The following PNPLA7 variants were observed in gnomAD, a reference collection of about 807,000 sequenced individuals.
PNPLA7 encodes the protein patatin like domain 7, lysophospholipase, also known as patatin-like phospholipase domain-containing protein 7.
A neutral mutation model predicts 161.7 loss-of-function variants in PNPLA7; 153 were observed. The ratio of observed to expected loss-of-function variants is 0.95; its 90% CI spans 0.83 to 1.08. The LOEUF is 1.08. PNPLA7 is among the 50% of genes least tolerant of loss of function. The pLI, the probability that PNPLA7 is intolerant of heterozygous loss-of-function variation, is 0.00. For synonymous variants in PNPLA7, 809 were observed against 782.1 expected (o/e 1.03, Z -0.57); for missense variants, 1,739 against 1,856.6 (o/e 0.94, Z 1.16).
chr9:137,536,911 G>A (rs1383300955), intron 8 of PNPLA7, among the ~76,000 whole-genome samples: 4 of 138,336 alleles, frequency 2.9e-5, no homozygotes, highest in African/African-American at 1.1e-4. Flanking sequence ...CATCTCCCAC[G>A]ACAGGAAGCA....
At position 137,464,750 on chromosome 9, in the gene PNPLA7, C is replaced by G. The variant is rs114582880; in HGVS notation, c.3040-294G>C. On this transcript the variant is annotated intron_variant, in intron 26 of 34. Transcript: ENST00000406427. ...TCTGCAGCGCCCCCATGCCTGGGGC[C>G]TCCTCGGCTTTGCCTGCTCAGCTCT... 8.8e-3 allele frequency: 3,723 copies of G among 421,360 alleles called. 123 individuals are homozygous for G. Among genetic ancestry groups the G allele is most frequent in the African/African-American group, 0.065 (3,208 of 49,602 alleles). 26.1% of individuals were successfully genotyped at this position (421,360 alleles called of 1,614,324 possible).
chr9:137,475,462 T>TC (rs1831905484), intron 25 of PNPLA7, among the ~76,000 whole-genome samples: 1 of 152,098 alleles, frequency 6.6e-6, no homozygotes, highest in Non-Finnish European at 1.5e-5. Context: ...GTAAGCTCCA[T>TC]CCCCCCGGTT....
In PNPLA7 at chr9:137,504,096, GAAGAAGAAGAAAGA is replaced by G. The variant is rs1314685466; in HGVS notation, c.1473+1504_1473+1517del. Among the ~76,000 whole-genome samples, 160 of 141,924 alleles carry G rather than the reference GAAGAAGAAGAAAGA, an allele frequency of 1.1e-3. 1 individual carries two copies. The highest frequency in any genetic ancestry group is 4.2e-3 in the African/African-American group (157 of 37,702). The allele number at this position is 141,924 out of a possible 152,430, so 93.1% of individuals were successfully genotyped here. ...AGGAAGAAGAAGAAGGAAGAAGAAGGAAGAAGAAGAAAGAAAGAAGAAGAAGAAAAAAGGAAGAA... is the reference window on the plus strand; with the variant it reads ...AGGAAGAAGAAGAAGGAAGAAGAAGGAAGAAGAAGAAGAAAAAAGGAAGAA... On this transcript the variant is annotated intron_variant, in intron 14 of 34. Transcript: ENST00000406427.
intron 26 of PNPLA7, among the ~76,000 whole-genome samples, chr9:137,466,992 C>T (rs535887401): frequency 1.3e-5 from 2 of 148,880 alleles, no homozygotes; most frequent in African/African-American, 2.5e-5. Flanking sequence ...TCTCCACCAT[C>T]TCAGACCCGT....
chr9:137,539,600 C>T (rs1035090058), intron 8 of PNPLA7, among the ~76,000 whole-genome samples: 2 of 151,804 alleles, frequency 1.3e-5, no homozygotes, highest in South Asian at 2.1e-4. Context: ...GCCCAGGAGG[C>T]GGAGGTTGCA....
At chr9:137,531,548 C>T (rs1051775490) in intron 8 of PNPLA7, among the ~76,000 whole-genome samples, 1 of 152,130 alleles carries the variant, frequency 6.6e-6, no homozygotes, top group African/African-American at 2.4e-5. Context: ...CTCGGCAGTG[C>T]TGTATGTAGC....
chr9:137,517,984 T>A (rs1421267808), intron 11 of PNPLA7, among the ~76,000 whole-genome samples: 1 of 95,932 alleles, frequency 1.0e-5, no homozygotes, highest in Non-Finnish European at 2.0e-5. Flanking sequence ...CATCCCCCAC[T>A]CACTCACTCC....
chr9:137,491,955 C>T (rs971507982), intron 20 of PNPLA7: 24 of 985,326 alleles, frequency 2.4e-5, no homozygotes, highest in African/African-American at 3.5e-5. Context: ...ATGCAGGACA[C>T]GCGGGAGCAG....
intron 14 of PNPLA7, among the ~76,000 whole-genome samples, chr9:137,502,700 ACGCGGGGGACGCGGGGGACGC>A (rs1833523037): frequency 1.9e-5 from 1 of 53,162 alleles, no homozygotes; most frequent in African/African-American, 7.5e-5. Context: ...GACGGGGGGG[ACGCGGGGGACGCGGGGGACGC>A]GGGGGACGGG....
rs550611022 is a variant in PNPLA7 at position 137,504,016 on chromosome 9, G to A, written c.1473+1598C>T. Among the ~76,000 whole-genome samples the A allele has an allele frequency of 2.1e-4, 22 of 102,630 alleles. 1 individual carries two copies. The highest frequency in any genetic ancestry group is 3.8e-4 in the Admixed American group (4 of 10,538). The allele number at this position is 102,630 out of a possible 152,430, so 67.3% of individuals were successfully genotyped here. On this transcript the variant is annotated intron_variant, in intron 14 of 34. Coordinates refer to ENST00000406427, the MANE Select transcript of PNPLA7 (RefSeq NM_001098537.3). Reference sequence around the variant, plus strand: ...AGCAAGAAGAAGAAAGAAGAAGGAAGAAGAAGAAGGAGGAGGAAGGAAGAA... The same window carrying A: ...AGCAAGAAGAAGAAAGAAGAAGGAAAAAGAAGAAGGAGGAGGAAGGAAGAA...
rs72765158 is a variant in PNPLA7, at chr9:137,476,189, G to A, written c.2882+1845C>T. 7.4e-3 allele frequency among the ~76,000 whole-genome samples: 1,123 copies of A among 152,322 alleles called. 6 individuals carry two copies. The highest frequency in any genetic ancestry group is 0.017 in the Admixed American group (259 of 15,298). On this transcript the variant is annotated intron_variant, in intron 25 of 34. Transcript: ENST00000406427. This position sits in a 1 kb window ranked among gnomAD's most constrained non-coding sequence, Gnocchi z 4.5. ...GTAAACAGAGATGAGTGGTATGTCC[G>A]AACATACCGAGAGGAGGTTAATGCC...
intron 23 of PNPLA7, chr9:137,479,662 CAG>C: frequency 2.0e-6 from 2 of 985,398 alleles, no homozygotes; most frequent in Non-Finnish European, 2.4e-6. Flanking sequence ...GAGCAGGGAG[CAG>C]AGGAGGGAGA....
chr9:137,507,542 G>A (rs564263368), intron 12 of PNPLA7, among the ~76,000 whole-genome samples: 4 of 152,182 alleles, frequency 2.6e-5, no homozygotes, highest in Non-Finnish European at 5.9e-5. Flanking sequence ...GGTGGCACAT[G>A]CCTGTTACCC....
At chr9:137,545,651 A>C (rs1382361249) in intron 4 of PNPLA7, among the ~76,000 whole-genome samples, 3 of 152,246 alleles carry the variant, frequency 2.0e-5, no homozygotes, top group Non-Finnish European at 4.4e-5. Context: ...GCTTGTAGCA[A>C]TTACTCTTTA....
chr9:137,534,328 C>G (rs1344260860), intron 8 of PNPLA7, among the ~76,000 whole-genome samples: 1 of 152,004 alleles, frequency 6.6e-6, no homozygotes, highest in Non-Finnish European at 1.5e-5. Flanking sequence ...AGTGTCTACT[C>G]CAGGCGGGAG....
At chr9:137,471,713 G>T (rs1005867082) in intron 25 of PNPLA7, among the ~76,000 whole-genome samples, 2 of 151,894 alleles carry the variant, frequency 1.3e-5, no homozygotes, top group East Asian at 3.8e-4. Flanking sequence ...GCAAATCATG[G>T]CTGATCATAA....
rs199649441 is a variant in PNPLA7, at chr9:137,503,822, GAAGAAGA to G, written c.1473+1785_1473+1791del. Among the ~76,000 whole-genome samples, 7 of 9,054 alleles carry G rather than the reference GAAGAAGA, an allele frequency of 7.7e-4. No individual in the cohort carries two copies. In the East Asian group the frequency reaches 0.016, roughly 20 times the overall value. 5.9% of individuals were successfully genotyped at this position (9,054 alleles called of 152,430 possible). A position where few individuals can be genotyped will look rare whatever the true frequency, so the allele number is the denominator to read the frequency against. On this transcript the variant is annotated intron_variant, in intron 14 of 34. Transcript: ENST00000406427. The stretch of plus-strand genomic sequence containing the variant: ...AGAAGGAAGAAGGAAGAAGATGAAG[GAAGAAGA>G]AAGAAGCAAGAAGAAGAAGGAAGAA...
intron 12 of PNPLA7, among the ~76,000 whole-genome samples, chr9:137,515,124 C>T (rs1286248959): frequency 2.0e-5 from 3 of 152,114 alleles, no homozygotes; most frequent in Non-Finnish European, 4.4e-5. Context: ...TGGCACCGGC[C>T]CAGCCCTGGC....
At position 137,495,046 on chromosome 9, in the gene PNPLA7, C is replaced by T. The variant is rs780447108; in HGVS notation, c.2114G>A (p.Arg705His). Residue 705 changes from arginine (R) to histidine (H), a missense_variant, in exon 19 of 35, where the codon CGC (arginine) becomes CAC (histidine). Arg to His is a conservative substitution (Grantham distance 29, BLOSUM62 0). This residue lies in a region of PNPLA7 where 192 missense variants were observed against 249.5 expected (regional missense o/e 0.77). Coordinates refer to ENST00000406427, the MANE Select transcript of PNPLA7 (RefSeq NM_001098537.3). ...CGCCATGCTCACCTGTGGGTACCTG[C>T]GCTTGATGGACGTGAGGGCTCCTGC... is the stretch of plus-strand genomic sequence containing the variant. ...LPAGALTSIK[R>H]RYPQVVTRLI... The T allele has an allele frequency of 5.3e-5, 85 of 1,609,838 alleles. No homozygotes were observed. The highest frequency in any genetic ancestry group is 2.2e-4 in the East Asian group (10 of 44,834).
Sources: gnomAD v4.1 joint callset for allele counts (sites outside exome capture counted in the v4.1 genomes callset) on GRCh38, gnomAD v4.1.1 for gene constraint, gnomAD v4.1.1 regional missense constraint, Gnocchi (gnomAD v3.1) non-coding constraint, MANE v1.5 for transcripts, NCBI Gene and HGNC (gene_info 2026-07-23, HGNC 2026-07-21) for gene names.